Variants in CNNM1 observed in about 807,000 individuals in gnomAD.
CNNM1 encodes cyclin and CBS domain divalent metal cation transport mediator 1.
CNNM1 carries 44 observed loss-of-function variants against 78.8 expected under a neutral mutation model. The ratio of observed to expected loss-of-function variants is 0.56; its 90% confidence interval spans 0.44 to 0.72. The LOEUF is 0.72. Among genes scored for constraint, CNNM1 ranks in the 30% least tolerant of loss-of-function variants. The probability of loss-of-function intolerance (pLI) is 0.00; values close to 1 mark genes in which losing one functional copy is unlikely to be tolerated. For missense variants in CNNM1, 1,101 were observed against 1,292.2 expected (o/e 0.85, Z 2.27); for synonymous variants, 584 against 581.5 (o/e 1.00, Z -0.06).
chr10:99,388,437 C>A, intron 9 of CNNM1, 136 bp downstream of exon 9: 1 of 960,168 alleles, frequency 1.0e-6, no homozygotes. Context: ...CCTTACACAG[C>A]CAGGGAAAGG....
At chr10:99,369,617 C>G (rs914855342) in intron 6 of CNNM1, among the ~76,000 whole-genome samples, 4 of 152,136 alleles carry the variant, frequency 2.6e-5, no homozygotes, top group Non-Finnish European at 4.4e-5. Context: ...CCCAAAATCA[C>G]TTTTTTTCAT....
intron 2 of CNNM1, among the ~76,000 whole-genome samples, chr10:99,359,370 G>T (rs1306524618): frequency 6.6e-6 from 1 of 152,152 alleles, no homozygotes; most frequent in Admixed American, 6.5e-5. Context: ...TTCTACAGGA[G>T]CAGGTTAGGG....
At chr10:99,357,461 G>T (rs1206653707) in intron 1 of CNNM1, 51 bp from the exon 2 acceptor site, 1 of 1,563,254 alleles carries the variant, frequency 6.4e-7, no homozygotes, top group East Asian at 2.3e-5. Context: ...CACAAAAAAA[G>T]ATCTCTGAAA....
Position 99,377,311 on chromosome 10 carries a change from A to AT in CNNM1, c.2340+94dup, listed in dbSNP as rs1202395337. On this transcript the variant is annotated intron_variant, in intron 7 of 10. Transcript: ENST00000356713. Reference sequence around the variant, plus strand: ...AAGACTACCCCCATTCCTAGGAGGGATGTGTGCACCATTCCCCTGTGTTCC... The same window carrying AT: ...AAGACTACCCCCATTCCTAGGAGGGATTGTGTGCACCATTCCCCTGTGTTCC... 6 of 1,172,018 alleles carry AT rather than the reference A, an allele frequency of 5.1e-6. No homozygotes were observed. The African/African-American group carries it at 7.5e-5, about 15-fold the overall frequency. The allele number at this position is 1,172,018 out of a possible 1,614,324, so 72.6% of individuals were successfully genotyped here.
intron 1 of CNNM1, among the ~76,000 whole-genome samples, chr10:99,356,345 G>A (rs763114643): frequency 1.4e-4 from 22 of 151,826 alleles, no homozygotes; most frequent in Non-Finnish European, 2.9e-4. Context: ...GCGTGGTGGT[G>A]CTCATCTGTG....
chr10:99,349,623 A>C (rs957908794), intron 1 of CNNM1, among the ~76,000 whole-genome samples: 1 of 152,194 alleles, frequency 6.6e-6, no homozygotes, highest in Non-Finnish European at 1.5e-5. Context: ...TTCCAATCCA[A>C]GGACCACACT....
intron 3 of CNNM1, among the ~76,000 whole-genome samples, chr10:99,361,538 A>G (rs1045526295): frequency 3.3e-5 from 5 of 152,234 alleles, no homozygotes; most frequent in Admixed American, 2.6e-4. Context: ...AATTAATCCA[A>G]CATATATTTA....
chr10:99,384,027 A>G (rs1410383028), intron 7 of CNNM1, among the ~76,000 whole-genome samples: 3 of 152,262 alleles, frequency 2.0e-5, no homozygotes, highest in East Asian at 1.9e-4. Flanking sequence ...ATGATGTGAA[A>G]TTATTTTGGA....
chr10:99,391,494 A>C lies in CNNM1; in HGVS notation c.2834A>C (p.Asn945Thr). Reference protein sequence around the residue: ...EGERTSEDNSNLTPLIT With the variant: ...EGERTSEDNSTLTPLIT ...GAGAGAACCTCTGAGGACAACTCCA[A>C]TTTAACACCTCTGATCACATGACAG... Residue 945 changes from asparagine (N) to threonine (T), a missense_variant, in exon 11 of 11, where the codon AAT (asparagine) becomes ACT (threonine). Coordinates refer to ENST00000356713, the MANE Select transcript of CNNM1 (RefSeq NM_020348.3). The C allele has an allele frequency of 6.2e-7, 1 of 1,613,920 alleles. No homozygotes were observed. Among genetic ancestry groups the C allele is most frequent in the Non-Finnish European group, 8.5e-7 (1 of 1,179,810 alleles).
chr10:99,370,601 G>A (rs1368955186), intron 6 of CNNM1, among the ~76,000 whole-genome samples: 1 of 152,162 alleles, frequency 6.6e-6, no homozygotes, highest in Non-Finnish European at 1.5e-5. Flanking sequence ...GAAGTTCCAG[G>A]TAACTTCTGG....
intron 6 of CNNM1, 30 bp from the exon 7 acceptor site, chr10:99,377,022 CCTT>C: frequency 1.3e-6 from 2 of 1,502,592 alleles, no homozygotes; most frequent in Non-Finnish European, 1.8e-6. Flanking sequence ...ACCCATCCCT[CCTT>C]GTCTTTTCTC....
intron 2 of CNNM1, among the ~76,000 whole-genome samples, chr10:99,358,736 G>A (rs531070992): frequency 2.6e-5 from 4 of 152,196 alleles, no homozygotes; most frequent in East Asian, 1.9e-4. Flanking sequence ...CATGAGGAAC[G>A]AGCTCGGAAA....
intron 7 of CNNM1, among the ~76,000 whole-genome samples, chr10:99,383,735 G>A (rs1343515394): frequency 1.3e-5 from 2 of 152,224 alleles, no homozygotes; most frequent in Non-Finnish European, 2.9e-5. Context: ...GGTGGGACCA[G>A]TGGTTCTGTC....
chr10:99,376,970 TCCCTCCTTCCCTGTCTCCCTCCCTCC>T, intron 6 of CNNM1, 59 bp from the exon 7 acceptor site: 1 of 1,284,758 alleles, frequency 7.8e-7, no homozygotes, highest in Non-Finnish European at 1.1e-6. Flanking sequence ...CACCTGTCTC[TCCCTCCTTCCCTGTCTCCCTCCCTCC>T]CCCTTCTTCC....
At chr10:99,343,275 A>G (rs1025876216) in intron 1 of CNNM1, among the ~76,000 whole-genome samples, 46 of 152,180 alleles carry the variant, frequency 3.0e-4, no homozygotes, top group African/African-American at 1.0e-3. Context: ...CATGTCTTTT[A>G]TGATTGAGAA....
chr10:99,357,709 T>C (rs187247927), intron 2 of CNNM1, 54 bp downstream of exon 2: 2 of 1,488,490 alleles, frequency 1.3e-6, no homozygotes, highest in African/African-American at 2.8e-5. Flanking sequence ...CCTCCAAGAC[T>C]CTCAGGTAAA....
chr10:99,391,694 C>T lies in CNNM1; in HGVS notation c.*178C>T, dbSNP rs891498950. 1.4e-5 allele frequency: 8 copies of T among 580,252 alleles called. No individual in the cohort carries two copies. Among genetic ancestry groups the T allele is most frequent in the African/African-American group, 5.6e-5 (3 of 53,162 alleles). 35.9% of individuals were successfully genotyped at this position (580,252 alleles called of 1,614,324 possible). A position where few individuals can be genotyped will look rare whatever the true frequency, so the allele number is the denominator to read the frequency against. On this transcript the variant is annotated 3_prime_UTR_variant, in exon 11 of 11. Transcript: ENST00000356713. The stretch of plus-strand genomic sequence containing the variant: ...AGATTTTCCCTCGTTACCTCCAGTT[C>T]GACTCAGAACCTTGACATGGCCATA...
intron 1 of CNNM1, among the ~76,000 whole-genome samples, chr10:99,348,050 A>T (rs55741531): frequency 0.18 from 24,253 of 131,422 alleles, 3,112 homozygotes; most frequent in African/African-American, 0.42. Context: ...ATATATATAT[A>T]TTTTTTTTTT....
intron 8 of CNNM1, 34 bp downstream of exon 8, chr10:99,388,037 G>A: frequency 6.3e-7 from 1 of 1,577,332 alleles, no homozygotes; most frequent in South Asian, 1.2e-5. Flanking sequence ...AGGCTGGGCT[G>A]GTGTGGGGTG....
Sources: allele counts gnomAD v4.1 joint callset (sites outside exome capture counted in the v4.1 genomes callset), GRCh38; gene constraint gnomAD v4.1.1; transcripts MANE v1.5; gene names NCBI Gene and HGNC (gene_info 2026-07-23, HGNC 2026-07-21).